The following ZNF225 variants were observed in gnomAD, a reference collection of about 807,000 sequenced individuals.
ZNF225 encodes the protein zinc finger protein 225.
Under a neutral mutation model 12.0 loss-of-function variants are expected in ZNF225, and 6 were observed. The ratio of observed to expected loss-of-function variants is 0.50; its 90% CI spans 0.27 to 0.98. The LOEUF (loss-of-function observed/expected upper bound fraction) is 0.98. Among genes scored for constraint, ZNF225 ranks in the 50% least tolerant of loss-of-function variants. The probability of loss-of-function intolerance (pLI) is 0.11; values close to 1 mark genes in which losing one functional copy is unlikely to be tolerated. For synonymous variants in ZNF225, 271 were observed against 283.2 expected (o/e 0.96, Z 0.43); for missense variants, 763 against 848.2 (o/e 0.90, Z 1.25).
chr19:44,131,233 G>A lies in ZNF225; in HGVS notation c.619G>A (p.Asp207Asn). The change falls in exon 5 of 5, where the codon GAT (aspartate) becomes AAT (asparagine). Residue 207 changes from aspartate to asparagine, a missense_variant. Asp to Asn is a conservative substitution (Grantham distance 23). Transcript: ENST00000262894. ...CATGGGGGAGAAACTCTATAATTGTGATGTGTGTGGTAAGGAATTCAATCA... is the reference window on the plus strand; with the variant it reads ...CATGGGGGAGAAACTCTATAATTGTAATGTGTGTGGTAAGGAATTCAATCA... ...VHMGEKLYNC[D>N]VCGKEFNQSS... 1.9e-6 allele frequency: 3 copies of A among 1,614,196 alleles called. No homozygotes were observed. Among genetic ancestry groups the A allele is most frequent in the Non-Finnish European group, 2.5e-6 (3 of 1,180,038 alleles).
upstream of ZNF225, chr19:44,112,427 G>C (rs1967851139): frequency 6.6e-6 from 1 of 152,154 alleles, no homozygotes; most frequent in Non-Finnish European, 1.5e-5. Context: ...CTAAGTGATG[G>C]CTTCTTAACT....
Position 44,131,766 on chromosome 19 carries a change from C to G in ZNF225, c.1152C>G (p.Ala384=), listed in dbSNP as rs186306862. The G allele has an allele frequency of 6.2e-7, 1 of 1,614,136 alleles. No homozygotes were observed. The highest frequency in any genetic ancestry group is 2.2e-5 in the East Asian group (1 of 44,876). The change falls in exon 5 of 5, where the codon GCC becomes GCG. Residue 384 remains alanine (A), a synonymous_variant. Transcript: ENST00000262894. ...AATGTGGAAAGAGCTTCAGATGGGC[C>G]TCAGGTCTTTCAAGACATGTGCGAG... is the stretch of plus-strand genomic sequence containing the variant. ...CKECGKSFRW[A]SGLSRHVRVH...
rs1224529372 is a variant in ZNF225 at position 44,118,518 on chromosome 19, T to C, written c.179T>C (p.Leu60Pro). Residue 60 changes from leucine to proline, a missense_variant, in exon 4 of 5, where the codon CTA (leucine) becomes CCA (proline). Leu to Pro is a moderately conservative substitution (Grantham distance 98). Coordinates refer to ENST00000262894, the MANE Select transcript of ZNF225 (RefSeq NM_013362.4). ...CTCCACAGAGATACTTTCCACTTCC[T>C]AAAGGAAGAAAAGTTTTGGATGATG... ...QSLHRDTFHF[L>P]KEEKFWMMET... The C allele has an allele frequency of 6.2e-7, 1 of 1,613,508 alleles. No homozygotes were observed. The highest frequency in any genetic ancestry group is 8.5e-7 in the Non-Finnish European group (1 of 1,179,612).
chr19:44,131,065 A>G lies in ZNF225; in HGVS notation c.451A>G (p.Arg151Gly). The G allele has an allele frequency of 1.2e-6, 2 of 1,614,064 alleles. No homozygotes were observed. Among genetic ancestry groups the G allele is most frequent in the Non-Finnish European group, 1.7e-6 (2 of 1,179,908 alleles). ...CGTAAGACAGAAACCTTCTGAGGGTAGGACGTGTAAAAAGTCCTTTAGTGA... is the reference window on the plus strand; with the variant it reads ...CGTAAGACAGAAACCTTCTGAGGGTGGGACGTGTAAAAAGTCCTTTAGTGA... ...IHVRQKPSEG[R>G]TCKKSFSDVS... The change falls in exon 5 of 5, where the codon AGG (arginine) becomes GGG (glycine). Residue 151 changes from arginine to glycine, a missense_variant. Physicochemically the swap from Arg to Gly is moderately radical, Grantham distance 125 (BLOSUM62 -2). Transcript: ENST00000262894.
intron 2 of ZNF225, 71 bp from the exon 3 acceptor site, chr19:44,118,117 C>T: frequency 6.6e-7 from 1 of 1,521,190 alleles, no homozygotes; most frequent in Non-Finnish European, 8.8e-7. Flanking sequence ...TCCCCTCTGT[C>T]TGCTCAGTGC....
In ZNF225 at chr19:44,132,108, A is replaced by T; in HGVS notation, c.1494A>T (p.Gln498His). Reference protein sequence around the residue: ...ECGKRFTQNSQLYTHRRVHSG... With the variant: ...ECGKRFTQNSHLYTHRRVHSG... ...GGAAAAGATTTACTCAGAATTCACA[A>T]CTTTATACCCATCGTAGAGTCCACA... is the stretch of plus-strand genomic sequence containing the variant. Residue 498 changes from glutamine (Q) to histidine (H), a missense_variant, in exon 5 of 5, where the codon CAA becomes CAT. Physicochemically the swap from Gln to His is conservative, Grantham distance 24. Coordinates refer to ENST00000262894, the MANE Select transcript of ZNF225 (RefSeq NM_013362.4). 1.2e-6 allele frequency: 2 copies of T among 1,613,898 alleles called. No homozygotes were observed. Among genetic ancestry groups the T allele is most frequent in the South Asian group, 1.1e-5 (1 of 91,048 alleles).
chr19:44,127,503 C>T (rs1968172264), intron 4 of ZNF225, among the ~76,000 whole-genome samples: 1 of 152,164 alleles, frequency 6.6e-6, no homozygotes, highest in African/African-American at 2.4e-5. Flanking sequence ...ATGGGAGACT[C>T]TGTATGCCGC....
Position 44,115,815 on chromosome 19 carries a change from A to G in ZNF225, c.-13A>G, listed in dbSNP as rs1276966072. On this transcript the variant is annotated 5_prime_UTR_variant, in exon 2 of 5. Coordinates refer to ENST00000262894, the MANE Select transcript of ZNF225 (RefSeq NM_013362.4). ...ACTCAGGACTCTGAATATTCCCTGA[A>G]ATAGGAGGAAAAATGACCACGTTGA... 6.2e-6 allele frequency: 10 copies of G among 1,612,952 alleles called. No homozygotes were observed. In the Admixed American group the frequency reaches 1.7e-4, roughly 27 times the overall value.
chr19:44,124,925 C>T (rs1487004761), intron 4 of ZNF225, among the ~76,000 whole-genome samples: 1 of 152,136 alleles, frequency 6.6e-6, no homozygotes, highest in Non-Finnish European at 1.5e-5. Flanking sequence ...AGGTGAGTCA[C>T]CTGAAGGCAG....
upstream of ZNF225, among the ~76,000 whole-genome samples, chr19:44,112,539 T>G (rs574718867): frequency 6.6e-6 from 1 of 152,314 alleles, no homozygotes; most frequent in African/African-American, 2.4e-5. Flanking sequence ...AAAATATTTT[T>G]TAAATAATAA....
intron 1 of ZNF225, among the ~76,000 whole-genome samples, chr19:44,114,753 C>G (rs1363615931): frequency 6.6e-6 from 1 of 152,230 alleles, no homozygotes; most frequent in Non-Finnish European, 1.5e-5. Context: ...TCAGGTGATT[C>G]AACCGCCTTG....
chr19:44,121,885 C>G (rs1022440991), intron 4 of ZNF225, among the ~76,000 whole-genome samples: 4 of 152,100 alleles, frequency 2.6e-5, no homozygotes, highest in African/African-American at 9.7e-5. Flanking sequence ...GTTGTAGATT[C>G]TGGATATTAG....
chr19:44,123,984 G>A (rs545403590), intron 4 of ZNF225, among the ~76,000 whole-genome samples: 29 of 151,762 alleles, frequency 1.9e-4, no homozygotes, highest in South Asian at 1.7e-3. Context: ...GTTTTGTTTT[G>A]TTTTGTTTTG....
chr19:44,132,301 A>G lies in ZNF225; in HGVS notation c.1687A>G (p.Thr563Ala), dbSNP rs940036388. The change falls in exon 5 of 5, where the codon ACC becomes GCC. Residue 563 changes from threonine to alanine, a missense_variant. Transcript: ENST00000262894. ...FNLDMHQRVHTGERPYNCKEC... is the reference protein window; with the variant it reads ...FNLDMHQRVHAGERPYNCKEC... ...TCTTGACATGCACCAGAGGGTCCAC[A>G]CCGGAGAGAGACCTTATAATTGTAA... is the stretch of plus-strand genomic sequence containing the variant. 6.2e-7 allele frequency: 1 copy of G among 1,613,960 alleles called. No individual in the cohort carries two copies. Among genetic ancestry groups the G allele is most frequent in the Admixed American group, 1.7e-5 (1 of 59,992 alleles).
rs375941503 is a variant in ZNF225 at position 44,131,408 on chromosome 19, G to T, written c.794G>T (p.Cys265Phe). 7 of 1,614,204 alleles carry T rather than the reference G, an allele frequency of 4.3e-6. No individual in the cohort carries two copies. The African/African-American group carries it at 8.0e-5, about 18-fold the overall frequency. Residue 265 changes from cysteine (C) to phenylalanine (F), a missense_variant, in exon 5 of 5, where the codon TGT (cysteine) becomes TTT (phenylalanine). Transcript: ENST00000262894. ...TGVKPHICEK[C>F]GKAFIHDSQL... ...GTGAAACCTCATATTTGTGAGAAATGTGGGAAGGCCTTCATTCATGATTCC... is the reference window on the plus strand; with the variant it reads ...GTGAAACCTCATATTTGTGAGAAATTTGGGAAGGCCTTCATTCATGATTCC...
chr19:44,125,407 T>C (rs1327425722), intron 4 of ZNF225, among the ~76,000 whole-genome samples: 3 of 152,226 alleles, frequency 2.0e-5, no homozygotes, highest in Non-Finnish European at 4.4e-5. Context: ...GAATCTGCTG[T>C]TAATCTGATA....
rs1445619182 is a variant in ZNF225, at chr19:44,118,275, G to A, written c.103G>A (p.Glu35Lys). 3 of 1,613,526 alleles carry A rather than the reference G, an allele frequency of 1.9e-6. No individual in the cohort carries two copies. The highest frequency in any genetic ancestry group is 2.2e-5 in the East Asian group (1 of 44,862). ...CCTTGCCCAGAGGAAACTGTACCGA[G>A]AAGTGATGCTGGAGAACTTCAGGAA... ...LDLAQRKLYR[E>K]VMLENFRNLL... Residue 35 changes from glutamate to lysine, a missense_variant, in exon 3 of 5, where the codon GAA (glutamate) becomes AAA (lysine). Coordinates refer to ENST00000262894, the MANE Select transcript of ZNF225 (RefSeq NM_013362.4).
At chr19:44,128,023 C>T (rs915102043) in intron 4 of ZNF225, among the ~76,000 whole-genome samples, 3 of 152,204 alleles carry the variant, frequency 2.0e-5, no homozygotes, top group Non-Finnish European at 4.4e-5. Flanking sequence ...ACTTTCAATT[C>T]TCTGATGTCT....
chr19:44,130,603 C>T lies in ZNF225; in HGVS notation c.236-247C>T, dbSNP rs867831119. The T allele has an allele frequency of 7.3e-5, 23 of 312,942 alleles. 1 individual carries two copies. Among genetic ancestry groups the T allele is most frequent in the Admixed American group, 3.2e-4 (6 of 18,496 alleles). The allele number at this position is 312,942 out of a possible 1,614,324, so 19.4% of individuals were successfully genotyped here. ...GTCCCAGCTACTGAGGAGGCTGAGG[C>T]GGGAGAATGGTGTGAACAACCCAGG... On this transcript the variant is annotated intron_variant, in intron 4 of 4. Coordinates refer to ENST00000262894, the MANE Select transcript of ZNF225 (RefSeq NM_013362.4).
Sources: gnomAD v4.1 joint callset for allele counts (sites outside exome capture counted in the v4.1 genomes callset) on GRCh38, gnomAD v4.1.1 for gene constraint, MANE v1.5 for transcripts, NCBI Gene and HGNC (gene_info 2026-07-23, HGNC 2026-07-21) for gene names.